Variants in PDIA5 observed in about 807,000 individuals in gnomAD.
PDIA5 encodes the protein protein disulfide isomerase family A member 5, also known as protein disulfide-isomerase A5.
A neutral mutation model predicts 77.6 loss-of-function variants in PDIA5; 58 were observed. The observed-to-expected ratio is 0.75, with a 90% confidence interval of 0.61 to 0.93. The LOEUF (loss-of-function observed/expected upper bound fraction) is 0.93, where lower values mean the gene tolerates loss of function less well. Among genes scored for constraint, PDIA5 ranks in the 40% least tolerant of loss-of-function variants. PDIA5 has a pLI of 0.00. For missense variants in PDIA5, 630 were observed against 647.7 expected (o/e 0.97, Z 0.30); for synonymous variants, 250 against 252.1 (o/e 0.99, Z 0.08).
At chr3:123,121,852 A>G (rs1332384441) in intron 8 of PDIA5, among the ~76,000 whole-genome samples, 1 of 152,240 alleles carries the variant, frequency 6.6e-6, no homozygotes, top group African/African-American at 2.4e-5. Flanking sequence ...GCTGCAGATG[A>G]GGAAAGTGAG....
At chr3:123,152,039 T>G (rs1410766826) in intron 14 of PDIA5, among the ~76,000 whole-genome samples, 1 of 130,302 alleles carries the variant, frequency 7.7e-6, no homozygotes, top group Non-Finnish European at 1.6e-5. Context: ...CTGCCTGCCT[T>G]CCTTCCTGCC....
At chr3:123,123,253 T>C (rs1316479068) in intron 8 of PDIA5, among the ~76,000 whole-genome samples, 1 of 152,246 alleles carries the variant, frequency 6.6e-6, no homozygotes, top group Non-Finnish European at 1.5e-5. Flanking sequence ...GAGGGAGTTT[T>C]AGGGGATTCC....
chr3:123,086,591 C>T (rs1410441211), intron 1 of PDIA5, among the ~76,000 whole-genome samples: 1 of 152,142 alleles, frequency 6.6e-6, no homozygotes, highest in East Asian at 1.9e-4. Context: ...CTATGGTTGC[C>T]CCTTTTTATT....
intron 7 of PDIA5, among the ~76,000 whole-genome samples, chr3:123,112,309 G>A (rs1038178755): frequency 7.2e-5 from 11 of 152,066 alleles, no homozygotes; most frequent in African/African-American, 2.7e-4. Flanking sequence ...GCTCAGGAGG[G>A]TGTCATAGGC....
intron 3 of PDIA5, among the ~76,000 whole-genome samples, chr3:123,094,002 G>C (rs891261746): frequency 6.6e-6 from 1 of 152,208 alleles, no homozygotes; most frequent in African/African-American, 2.4e-5. Flanking sequence ...GTGAAATGGG[G>C]TCAGGAGTAG....
At chr3:123,080,368 A>AT (rs1468800737) in intron 1 of PDIA5, among the ~76,000 whole-genome samples, 6 of 152,094 alleles carry the variant, frequency 3.9e-5, no homozygotes, top group Non-Finnish European at 7.4e-5. Flanking sequence ...GGATTTCTAT[A>AT]TTTTTGGGAA....
In PDIA5 at chr3:123,130,599, T is replaced by G; in HGVS notation, c.893T>G (p.Val298Gly). The change falls in exon 11 of 17, where the codon GTC becomes GGC. Residue 298 changes from valine to glycine, a missense_variant. Physicochemically the swap from Val to Gly is moderately radical, Grantham distance 109 (BLOSUM62 -3). Coordinates refer to ENST00000316218, the MANE Select transcript of PDIA5 (RefSeq NM_006810.4). Reference protein sequence around the residue: ...QFVKEHSSVLVMFHAPWCGHC... With the variant: ...QFVKEHSSVLGMFHAPWCGHC... ...GTGAAGGAACACTCCTCTGTCCTCGTCATGTTCCACGCCCCATGTGAGTGG... is the reference window on the plus strand; with the variant it reads ...GTGAAGGAACACTCCTCTGTCCTCGGCATGTTCCACGCCCCATGTGAGTGG... 6.2e-7 allele frequency: 1 copy of G among 1,614,152 alleles called. No individual in the cohort carries two copies. Among genetic ancestry groups the G allele is most frequent in the Non-Finnish European group, 8.5e-7 (1 of 1,179,994 alleles).
intron 11 of PDIA5, among the ~76,000 whole-genome samples, chr3:123,134,644 G>A (rs1935448759): frequency 6.6e-6 from 1 of 152,112 alleles, no homozygotes; most frequent in Non-Finnish European, 1.5e-5. Context: ...CCCAGCAAGA[G>A]CCCATTAGAA....
intron 3 of PDIA5, among the ~76,000 whole-genome samples, chr3:123,094,335 G>A (rs1036124291): frequency 6.6e-6 from 1 of 152,224 alleles, no homozygotes; most frequent in East Asian, 1.9e-4. Context: ...GGAATATCTG[G>A]GTGTGAGTTT....
chr3:123,160,331 C>G (rs1390335695), intron 15 of PDIA5, among the ~76,000 whole-genome samples: 1 of 152,222 alleles, frequency 6.6e-6, no homozygotes, highest in East Asian at 1.9e-4. Context: ...TTTGAAAAAA[C>G]AACAAATGAT....
chr3:123,146,055 G>T (rs370316483), intron 12 of PDIA5, 44 bp from the exon 13 acceptor site: 33 of 1,590,344 alleles, frequency 2.1e-5, no homozygotes, highest in Non-Finnish European at 2.8e-5. Context: ...CACCAGCACC[G>T]CATCTGAGGC....
At chr3:123,146,888 C>T (rs1417350464) in intron 13 of PDIA5, among the ~76,000 whole-genome samples, 2 of 152,196 alleles carry the variant, frequency 1.3e-5, no homozygotes, top group East Asian at 1.9e-4. Context: ...CGGCTCACTG[C>T]AACCTCCACC....
At chr3:123,135,294 G>C (rs907754426) in intron 11 of PDIA5, among the ~76,000 whole-genome samples, 1 of 152,072 alleles carries the variant, frequency 6.6e-6, no homozygotes, top group African/African-American at 2.4e-5. Context: ...GGGAGCAAGG[G>C]GGGCATCCCA....
chr3:123,102,090 A>T lies in PDIA5; in HGVS notation c.258-321A>T, dbSNP rs528300126. 7.3e-5 allele frequency among the ~76,000 whole-genome samples: 11 copies of T among 151,650 alleles called. No homozygotes were observed. In the East Asian group the frequency reaches 7.8e-4, roughly 11 times the overall value. On this transcript the variant is annotated intron_variant, in intron 3 of 16. Coordinates refer to ENST00000316218, the MANE Select transcript of PDIA5 (RefSeq NM_006810.4). ...ACACCTGGCTAATTTTTGTATTTTT[A>T]GTAGAGACGGGGTTTCACCATGTTG...
intron 3 of PDIA5, among the ~76,000 whole-genome samples, chr3:123,099,330 G>A (rs1051271439): frequency 6.6e-6 from 1 of 152,212 alleles, no homozygotes; most frequent in Non-Finnish European, 1.5e-5. Context: ...AGCTGCTGTT[G>A]TACCACTGGG....
chr3:123,150,283 A>G lies in PDIA5; in HGVS notation c.1192A>G (p.Ser398Gly), dbSNP rs772438190. 9.9e-6 allele frequency: 16 copies of G among 1,613,594 alleles called. No homozygotes were observed. Among genetic ancestry groups the G allele is most frequent in the Non-Finnish European group, 1.4e-5 (16 of 1,179,762 alleles). Reference sequence around the variant, plus strand: ...GCCCACGTGGGAAGAGCAGCAGACAAGCGTGTTGCACCTGGTGGGGGACAA... The same window carrying G: ...GCCCACGTGGGAAGAGCAGCAGACAGGCGTGTTGCACCTGGTGGGGGACAA... ...PEPTWEEQQT[S>G]VLHLVGDNFR... is the part of the protein sequence containing the mutation. Residue 398 changes from serine to glycine, a missense_variant, in exon 14 of 17, where the codon AGC becomes GGC. Coordinates refer to ENST00000316218, the MANE Select transcript of PDIA5 (RefSeq NM_006810.4).
chr3:123,095,061 G>A (rs956679600), intron 3 of PDIA5, among the ~76,000 whole-genome samples: 2 of 152,146 alleles, frequency 1.3e-5, no homozygotes, highest in Non-Finnish European at 2.9e-5. Context: ...GAGGGGGCCC[G>A]GGCTGACTGC....
At chr3:123,145,997 A>G (rs1173788325) in intron 12 of PDIA5, 102 bp from the exon 13 acceptor site, 1 of 1,096,788 alleles carries the variant, frequency 9.1e-7, no homozygotes, top group African/African-American at 1.6e-5. Context: ...GTTAAATTCC[A>G]GCAGGTCCAG....
chr3:123,120,321 C>T (rs952490537), intron 8 of PDIA5, among the ~76,000 whole-genome samples: 2 of 152,196 alleles, frequency 1.3e-5, no homozygotes, highest in Non-Finnish European at 2.9e-5. Flanking sequence ...TTGGAGCCTC[C>T]ATTTCTCCAT....
Sources: gnomAD v4.1 joint callset for allele counts (sites outside exome capture counted in the v4.1 genomes callset) on GRCh38, gnomAD v4.1.1 for gene constraint, MANE v1.5 for transcripts, NCBI Gene and HGNC (gene_info 2026-07-23, HGNC 2026-07-21) for gene names.